Variants in SLC35F4 observed in about 807,000 individuals in gnomAD.
The protein encoded by SLC35F4 is solute carrier family 35 member F4, also known as chromosome 14 open reading frame 36.
A neutral mutation model predicts 44.2 loss-of-function variants in SLC35F4; 24 were observed. The ratio of observed to expected loss-of-function variants is 0.54; its 90% confidence interval spans 0.39 to 0.76. SLC35F4 has a LOEUF of 0.76. Ranked by LOEUF, SLC35F4 falls within the 30% of genes least tolerant of loss-of-function variation. The pLI, the probability that SLC35F4 is intolerant of heterozygous loss-of-function variation, is 0.00. For missense variants in SLC35F4, 562 were observed against 586.1 expected (o/e 0.96, Z 0.42); for synonymous variants, 238 against 223.6 (o/e 1.06, Z -0.57).
intron 1 of SLC35F4, among the ~76,000 whole-genome samples, chr14:57,711,231 C>A (rs2075810784): frequency 6.6e-6 from 1 of 152,142 alleles, no homozygotes; most frequent in African/African-American, 2.4e-5. Flanking sequence ...CTTCTCCCTG[C>A]TGCTACCTTG....
intron 1 of SLC35F4, among the ~76,000 whole-genome samples, chr14:57,958,118 C>T (rs905270881): frequency 9.9e-5 from 15 of 151,592 alleles, no homozygotes; most frequent in Admixed American, 3.3e-4. Flanking sequence ...TGCAGTGGCG[C>T]GAAATCTCAG....
Position 57,594,115 on chromosome 14 carries a change from C to T in SLC35F4, c.113G>A (p.Arg38Lys), listed in dbSNP as rs749709478. ...PGYSSQKSTS[R>K]SSVTRCKPGA... ...TGGTTTACATCTAGTGACTGATGAT[C>T]TGGAGGTACCTGGAAAGACAGAGTT... Residue 38 changes from arginine to lysine, a missense_variant, in exon 2 of 8, where the codon AGA becomes AAA. Transcript: ENST00000556826. 8.1e-6 allele frequency: 13 copies of T among 1,613,458 alleles called. No homozygotes were observed. The South Asian group carries it at 1.3e-4, about 16-fold the overall frequency.
rs1055886548 is a variant in SLC35F4 at position 57,682,224 on chromosome 14, A to T, written c.104-88100T>A. Among the ~76,000 whole-genome samples, 3 of 152,250 alleles carry T rather than the reference A, an allele frequency of 2.0e-5. No individual in the cohort carries two copies. The East Asian group carries it at 5.8e-4, about 29-fold the overall frequency. On this transcript the variant is annotated intron_variant, in intron 1 of 7. Transcript: ENST00000556826. ...TGTTTATTGTGGCACTGTTCACAAT[A>T]GCAAAGACTTGGAACCAAGCCAAAT...
intron 1 of SLC35F4, among the ~76,000 whole-genome samples, chr14:57,677,678 T>G (rs1245114173): frequency 6.6e-6 from 1 of 152,018 alleles, no homozygotes; most frequent in African/African-American, 2.4e-5. Context: ...TTTTTTAAAC[T>G]TGCCTATAGG....
In SLC35F4 at chr14:57,950,245, T is replaced by C. The variant is rs191697595; in HGVS notation, n.282+31668A>G. On this transcript the variant is annotated intron_variant and non_coding_transcript_variant, in intron 1 of 1. Coordinates refer to the SLC35F4 transcript ENST00000556568. ...TTTTTTTTATTCTTTTTTTTTCTCT[T>C]TGTCTGATTGGGTTAATTTGAAAGC... is the stretch of plus-strand genomic sequence containing the variant. Among the ~76,000 whole-genome samples the C allele has an allele frequency of 6.6e-3, 1,002 of 152,120 alleles. 13 individuals carry two copies. Among genetic ancestry groups the C allele is most frequent in the African/African-American group, 0.023 (942 of 41,528 alleles).
chr14:57,745,967 G>A (rs1280096948), intron 1 of SLC35F4, among the ~76,000 whole-genome samples: 1 of 151,906 alleles, frequency 6.6e-6, no homozygotes, highest in Non-Finnish European at 1.5e-5. Context: ...ATCATTCTCA[G>A]CAAACTATCG....
At chr14:57,857,313 A>T (rs1887207286) in intron 1 of SLC35F4, among the ~76,000 whole-genome samples, 1 of 152,024 alleles carries the variant, frequency 6.6e-6, no homozygotes, top group Non-Finnish European at 1.5e-5. Context: ...ATTGAAGCAC[A>T]GAAAATCTTA....
intron 1 of SLC35F4, among the ~76,000 whole-genome samples, chr14:57,835,967 T>G (rs1884875936): frequency 6.6e-6 from 1 of 152,136 alleles, no homozygotes; most frequent in Non-Finnish European, 1.5e-5. Context: ...TGGGAAACAT[T>G]CCAAGAAACA....
At chr14:57,966,920 G>T (rs1435203145) in intron 1 of SLC35F4, among the ~76,000 whole-genome samples, 1 of 151,980 alleles carries the variant, frequency 6.6e-6, no homozygotes, top group Non-Finnish European at 1.5e-5. Context: ...CGAGGCAGGA[G>T]AATCGCTTGA....
intron 1 of SLC35F4, among the ~76,000 whole-genome samples, chr14:57,854,535 T>C (rs927247): frequency 0.8 from 122,150 of 152,150 alleles, 49,773 homozygotes; most frequent in East Asian, 0.99. Flanking sequence ...TCAGCCTTCA[T>C]TTCCTCCCCA....
intron 1 of SLC35F4, among the ~76,000 whole-genome samples, chr14:57,754,593 A>C (rs187848959): frequency 8.5e-5 from 13 of 152,150 alleles, no homozygotes; most frequent in African/African-American, 2.9e-4. Flanking sequence ...TTATGAGTGC[A>C]TGACCCGTGC....
intron 1 of SLC35F4, among the ~76,000 whole-genome samples, chr14:57,622,493 A>C (rs1266047322): frequency 6.7e-6 from 1 of 149,122 alleles, no homozygotes; most frequent in Non-Finnish European, 1.5e-5. Flanking sequence ...GCAGCCATAA[A>C]AAATTATGAG....
chr14:57,748,047 T>C (rs531866961), intron 1 of SLC35F4, among the ~76,000 whole-genome samples: 2 of 152,330 alleles, frequency 1.3e-5, no homozygotes, highest in South Asian at 4.1e-4. Context: ...TGCCTGCACA[T>C]GGAAAATTGA....
chr14:57,668,656 T>C (rs1032734952), intron 1 of SLC35F4, among the ~76,000 whole-genome samples: 1 of 152,096 alleles, frequency 6.6e-6, no homozygotes, highest in Non-Finnish European at 1.5e-5. Context: ...TGTGGCATTA[T>C]TTCTGAGGGC....
intron 1 of SLC35F4, among the ~76,000 whole-genome samples, chr14:57,940,595 A>C (rs1470030898): frequency 6.6e-6 from 1 of 152,200 alleles, no homozygotes; most frequent in Non-Finnish European, 1.5e-5. Flanking sequence ...TTCATTCAGC[A>C]GTGGAGTAGT....
chr14:57,707,606 G>A (rs760855985), intron 1 of SLC35F4, among the ~76,000 whole-genome samples: 15 of 152,146 alleles, frequency 9.9e-5, no homozygotes, highest in Non-Finnish European at 1.9e-4. Flanking sequence ...ATAGCAGCAT[G>A]AGAATGGACT....
At chr14:57,757,348 G>A (rs894772691) in intron 1 of SLC35F4, among the ~76,000 whole-genome samples, 9 of 152,102 alleles carry the variant, frequency 5.9e-5, no homozygotes, top group African/African-American at 1.9e-4. Flanking sequence ...TTTATCTAAT[G>A]TGACAATCTT....
At chr14:57,716,329 A>G (rs374329191) in intron 1 of SLC35F4, among the ~76,000 whole-genome samples, 98 of 151,722 alleles carry the variant, frequency 6.5e-4, no homozygotes, top group African/African-American at 2.0e-3. Flanking sequence ...ATACTAACCT[A>G]TACCTTAACC....
chr14:57,659,341 G>A (rs908360210), intron 1 of SLC35F4, among the ~76,000 whole-genome samples: 1 of 152,158 alleles, frequency 6.6e-6, no homozygotes, highest in East Asian at 1.9e-4. Flanking sequence ...AAGAACACAT[G>A]CAGATAGCTT....
Sources: gnomAD v4.1 joint callset for allele counts (sites outside exome capture counted in the v4.1 genomes callset) on GRCh38, gnomAD v4.1.1 for gene constraint, MANE v1.5 for transcripts, NCBI Gene and HGNC (gene_info 2026-07-23, HGNC 2026-07-21) for gene names.